The following ICA1 variants were observed in gnomAD, a reference collection of about 807,000 sequenced individuals.
The protein encoded by ICA1 is islet cell autoantigen 1.
ICA1 carries 40 observed loss-of-function variants against 71.0 expected under a neutral mutation model. The observed-to-expected ratio is 0.56, with a 90% CI of 0.44 to 0.73. The LOEUF (loss-of-function observed/expected upper bound fraction) is 0.73. Ranked by LOEUF, ICA1 falls within the 30% of genes least tolerant of loss-of-function variation. ICA1 has a pLI of 0.00. For missense variants in ICA1, 578 were observed against 576.5 expected (o/e 1.00, Z -0.03); for synonymous variants, 207 against 209.5 (o/e 0.99, Z 0.10).
intron 12 of ICA1, among the ~76,000 whole-genome samples, chr7:8,134,244 A>C (rs535466511): frequency 9.8e-5 from 15 of 152,302 alleles, no homozygotes; most frequent in African/African-American, 3.6e-4. Flanking sequence ...CCCTGGGAGA[A>C]CATTCCCTAG....
At chr7:8,249,198 C>T (rs1807241773) in intron 1 of ICA1, among the ~76,000 whole-genome samples, 1 of 152,238 alleles carries the variant, frequency 6.6e-6, no homozygotes, top group Non-Finnish European at 1.5e-5. Flanking sequence ...AGAACAGAGG[C>T]ACAATGCTGG....
intron 1 of ICA1, among the ~76,000 whole-genome samples, chr7:8,251,603 A>G (rs981829145): frequency 2.6e-5 from 4 of 151,944 alleles, no homozygotes; most frequent in Admixed American, 2.0e-4. Context: ...TGACTTGTCC[A>G]AGATCAGGTT....
At chr7:8,257,095 A>G (rs889323105) in intron 1 of ICA1, among the ~76,000 whole-genome samples, 1 of 152,216 alleles carries the variant, frequency 6.6e-6, no homozygotes, top group Non-Finnish European at 1.5e-5. Flanking sequence ...TTCAATAAAA[A>G]CAATCTCCCC....
In ICA1 at chr7:8,130,132, CTT is replaced by C. The variant is rs1790902972; in HGVS notation, c.1061-1992_1061-1991del. On this transcript the variant is annotated intron_variant, in intron 12 of 13. Coordinates refer to ENST00000402384, the MANE Select transcript of ICA1 (RefSeq NM_001136020.3). This position sits in a 1 kb window ranked among gnomAD's most constrained non-coding sequence, Gnocchi z 4.2. ...TTGGACATTTGGGTTGGTTCCAAGT[CTT>C]TGCTGCTAGTGCCGCAATAAACATA... 6.6e-6 allele frequency among the ~76,000 whole-genome samples: 1 copy of C among 152,144 alleles called. No homozygotes were observed. The highest frequency in any genetic ancestry group is 2.4e-5 in the African/African-American group (1 of 41,418).
intron 1 of ICA1, among the ~76,000 whole-genome samples, chr7:8,249,904 G>A (rs1401654428): frequency 6.6e-6 from 1 of 152,136 alleles, no homozygotes; most frequent in Admixed American, 6.6e-5. Context: ...TGTAACTTCA[G>A]AAAAAACAGA....
At chr7:8,243,354 C>T (rs1187679554) in intron 1 of ICA1, among the ~76,000 whole-genome samples, 1 of 152,112 alleles carries the variant, frequency 6.6e-6, no homozygotes, top group Non-Finnish European at 1.5e-5. Context: ...AGGCCTTTGA[C>T]AAAATTCAAC....
At chr7:8,251,035 G>C (rs1468854509) in intron 1 of ICA1, among the ~76,000 whole-genome samples, 1 of 151,858 alleles carries the variant, frequency 6.6e-6, no homozygotes, top group Non-Finnish European at 1.5e-5. Flanking sequence ...TCAGTAGCTG[G>C]GACTACAGGC....
chr7:8,219,513 T>G (rs1796407043), intron 5 of ICA1, among the ~76,000 whole-genome samples: 1 of 152,344 alleles, frequency 6.6e-6, no homozygotes, highest in Non-Finnish European at 1.5e-5. Context: ...AAGAAAAAAT[T>G]TCCTTTTACT....
intron 6 of ICA1, among the ~76,000 whole-genome samples, chr7:8,161,508 G>A (rs1012457406): frequency 1.2e-4 from 19 of 152,146 alleles, no homozygotes; most frequent in African/African-American, 3.9e-4. Context: ...GACTTGCGTT[G>A]GTCAATGGGA....
intron 12 of ICA1, among the ~76,000 whole-genome samples, chr7:8,133,389 G>A (rs10262532): frequency 0.4 from 60,217 of 152,080 alleles, 13,936 homozygotes; most frequent in East Asian, 0.57. Context: ...AATGCCTTCT[G>A]AGTAGCTGGG....
intron 8 of ICA1, among the ~76,000 whole-genome samples, chr7:8,147,688 AC>A (rs1797497565): frequency 2.7e-3 from 1 of 364 alleles, no homozygotes; most frequent in Non-Finnish European, 4.8e-3. Context: ...GCCAAGGGGA[AC>A]ACACACACAC....
At chr7:8,204,162 G>T (rs969006600) in intron 6 of ICA1, among the ~76,000 whole-genome samples, 2 of 152,214 alleles carry the variant, frequency 1.3e-5, no homozygotes, top group South Asian at 2.1e-4. Context: ...TGTGCTGGAA[G>T]ATGTGACTGC....
In ICA1 at chr7:8,128,809, A is replaced by G. The variant is rs1433729229; in HGVS notation, c.1061-667T>C. Among the ~76,000 whole-genome samples the G allele has an allele frequency of 8.5e-5, 13 of 152,280 alleles. No homozygotes were observed. The East Asian group carries it at 2.5e-3, about 29-fold the overall frequency. Reference sequence around the variant, plus strand: ...TGCGAGTCAGGGAGCTTCACAGGCTAGAGACACAGTTCGAGGGGCGTTGAA... The same window carrying G: ...TGCGAGTCAGGGAGCTTCACAGGCTGGAGACACAGTTCGAGGGGCGTTGAA... On this transcript the variant is annotated intron_variant, in intron 12 of 13. Coordinates refer to ENST00000402384, the MANE Select transcript of ICA1 (RefSeq NM_001136020.3).
intron 12 of ICA1, among the ~76,000 whole-genome samples, chr7:8,133,611 G>A (rs970460625): frequency 1.3e-5 from 2 of 152,200 alleles, no homozygotes; most frequent in African/African-American, 4.8e-5. Flanking sequence ...CAGGCTGGCT[G>A]TGAGATTACT....
At chr7:8,244,527 G>C (rs1022287024) in intron 1 of ICA1, among the ~76,000 whole-genome samples, 1 of 152,124 alleles carries the variant, frequency 6.6e-6, no homozygotes, top group East Asian at 1.9e-4. Flanking sequence ...AACACCAAAA[G>C]CAATGGCAAC....
chr7:8,115,722 G>A (rs1784581423), intron 13 of ICA1, among the ~76,000 whole-genome samples: 1 of 152,230 alleles, frequency 6.6e-6, no homozygotes, highest in Admixed American at 6.5e-5. Context: ...GAGAAAGTCA[G>A]TGATACCAAA....
chr7:8,209,708 A>T (rs1439137845), intron 6 of ICA1, among the ~76,000 whole-genome samples: 1 of 150,560 alleles, frequency 6.6e-6, no homozygotes, highest in Non-Finnish European at 1.5e-5. Flanking sequence ...ACAGTGCAAA[A>T]GGGTAACAGC....
chr7:8,196,440 T>C (rs1787607965), intron 6 of ICA1, among the ~76,000 whole-genome samples: 1 of 152,238 alleles, frequency 6.6e-6, no homozygotes, highest in African/African-American at 2.4e-5. Context: ...TACATGTCAC[T>C]ATACATTTGT....
Position 8,114,234 on chromosome 7 carries a change from C to T in ICA1, c.1331-190G>A, listed in dbSNP as rs573775246. The T allele has an allele frequency of 2.0e-5, 12 of 600,844 alleles. No individual in the cohort carries two copies. In the South Asian group the frequency reaches 2.4e-4, roughly 12 times the overall value. The allele number at this position is 600,844 out of a possible 1,614,324, so 37.2% of individuals were successfully genotyped here. A position where few individuals can be genotyped will look rare whatever the true frequency, so the allele number is the denominator to read the frequency against. On this transcript the variant is annotated intron_variant, in intron 13 of 13. Transcript: ENST00000402384. ...TGGTTGGCCAGTTAACATTTCCAAA[C>T]CAGGGCCTGAAGCTCCGAGAATAAC...
Sources: gnomAD v4.1 joint callset for allele counts (sites outside exome capture counted in the v4.1 genomes callset) on GRCh38, gnomAD v4.1.1 for gene constraint, Gnocchi (gnomAD v3.1) non-coding constraint, MANE v1.5 for transcripts, NCBI Gene and HGNC (gene_info 2026-07-23, HGNC 2026-07-21) for gene names.